Variants in RYR3 observed in about 807,000 individuals in gnomAD.
The protein encoded by RYR3 is ryanodine receptor 3, also known as brain ryanodine receptor-calcium release channel.
In RYR3, 207 loss-of-function variants were observed where a neutral mutation model predicts 584.3. The observed-to-expected ratio is 0.35, with a 90% CI of 0.32 to 0.40. RYR3 has a LOEUF of 0.40. RYR3 is among the 10% of genes least tolerant of loss of function. The pLI, the probability that RYR3 is intolerant of heterozygous loss-of-function variation, is 1.00. For synonymous variants in RYR3, 2,416 were observed against 2,248.5 expected (o/e 1.07, Z -2.11); for missense variants, 5,616 against 6,089.2 (o/e 0.92, Z 2.59).
intron 38 of RYR3, among the ~76,000 whole-genome samples, chr15:33,671,664 G>T (rs2063841863): frequency 6.6e-6 from 1 of 152,238 alleles, no homozygotes; most frequent in Admixed American, 6.5e-5. Flanking sequence ...GCACTCTAAA[G>T]CCACAAAAAC....
intron 43 of RYR3, among the ~76,000 whole-genome samples, chr15:33,714,955 CAT>C (rs1344175381): frequency 2.0e-5 from 3 of 152,222 alleles, no homozygotes; most frequent in African/African-American, 7.2e-5. Context: ...CATAGTGACA[CAT>C]GAGACATTGG....
intron 69 of RYR3, among the ~76,000 whole-genome samples, chr15:33,805,618 C>T (rs1427112399): frequency 3.9e-5 from 6 of 151,972 alleles, no homozygotes; most frequent in Admixed American, 3.9e-4. Context: ...GCTGGGACTA[C>T]AGGTGCCCGC....
At chr15:33,617,858 A>G (rs1302514379) in intron 19 of RYR3, among the ~76,000 whole-genome samples, 2 of 152,238 alleles carry the variant, frequency 1.3e-5, no homozygotes, top group African/African-American at 4.8e-5. Context: ...GACAAAACCC[A>G]CAAATCAATG....
chr15:33,426,632 A>G (rs79023936), intron 1 of RYR3, among the ~76,000 whole-genome samples: 1 of 152,340 alleles, frequency 6.6e-6, no homozygotes, highest in East Asian at 1.9e-4. Flanking sequence ...TCTGGATTTA[A>G]CAAAGATATA....
At chr15:33,312,887 A>C (rs1967550043) in intron 1 of RYR3, among the ~76,000 whole-genome samples, 1 of 152,060 alleles carries the variant, frequency 6.6e-6, no homozygotes, top group Non-Finnish European at 1.5e-5. Flanking sequence ...TTTTTGGTAC[A>C]CCTGTAGCCA....
At chr15:33,557,998 C>T (rs1385490781) in intron 10 of RYR3, among the ~76,000 whole-genome samples, 1 of 152,060 alleles carries the variant, frequency 6.6e-6, no homozygotes, top group Admixed American at 6.6e-5. Context: ...TGAATGCCTG[C>T]AGAACAATAA....
chr15:33,740,127 G>T, intron 51 of RYR3, 132 bp downstream of exon 51: 1 of 749,194 alleles, frequency 1.3e-6, no homozygotes, highest in African/African-American at 1.8e-5. Context: ...TTCTCTTGAT[G>T]TGTCAAGTCC....
intron 1 of RYR3, among the ~76,000 whole-genome samples, chr15:33,407,891 T>TC (rs2043131897): frequency 6.6e-6 from 1 of 152,148 alleles, no homozygotes; most frequent in African/African-American, 2.4e-5. Context: ...ATTACTTGTT[T>TC]CCCCTCTACT....
chr15:33,780,579 T>C (rs534718568), intron 65 of RYR3, among the ~76,000 whole-genome samples: 2 of 152,352 alleles, frequency 1.3e-5, no homozygotes, highest in South Asian at 4.1e-4. Context: ...TCAGTGTTGC[T>C]GATTTTGAAA....
intron 38 of RYR3, among the ~76,000 whole-genome samples, chr15:33,693,825 G>A (rs2065627658): frequency 1.3e-5 from 2 of 152,206 alleles, no homozygotes; most frequent in African/African-American, 4.8e-5. Context: ...AAGAGCAGGT[G>A]GAGAGTAACA....
intron 102 of RYR3, 45 bp from the exon 103 acceptor site, chr15:33,864,093 T>G (rs746860964): frequency 2.9e-5 from 42 of 1,446,552 alleles, no homozygotes; most frequent in Non-Finnish European, 4.0e-5. Flanking sequence ...CGAATGAACT[T>G]GGGTCTTGAC....
chr15:33,730,623 C>T lies in RYR3; in HGVS notation c.7204-851C>T, dbSNP rs181327706. Among the ~76,000 whole-genome samples, 486 of 152,254 alleles carry T rather than the reference C, an allele frequency of 3.2e-3. 1 individual carries two copies. The highest frequency in any genetic ancestry group is 5.3e-3 in the Non-Finnish European group (359 of 68,010). ...AAGTGTGTTACAGATAGAATGACTG[C>T]AGGAATCACAGGAAATGGCAATATT... On this transcript the variant is annotated intron_variant, in intron 47 of 103. Coordinates refer to ENST00000634891, the MANE Select transcript of RYR3 (RefSeq NM_001036.6).
At chr15:33,430,659 G>C (rs1205957522) in intron 1 of RYR3, among the ~76,000 whole-genome samples, 1 of 152,184 alleles carries the variant, frequency 6.6e-6, no homozygotes, top group Non-Finnish European at 1.5e-5. Flanking sequence ...GCGGGGACAT[G>C]TGTTAAGATG....
chr15:33,833,002 CAAAAAAAAAAA>C (rs66477732), intron 86 of RYR3, among the ~76,000 whole-genome samples: 1 of 112,636 alleles, frequency 8.9e-6, no homozygotes, highest in African/African-American at 3.3e-5. Context: ...AACTCTGTCT[CAAAAAAAAAAA>C]AAAAAAAAGA....
At chr15:33,640,669 A>G (rs961971595) in intron 27 of RYR3, among the ~76,000 whole-genome samples, 1 of 152,220 alleles carries the variant, frequency 6.6e-6, no homozygotes, top group Non-Finnish European at 1.5e-5. Context: ...GAGGCCTTAT[A>G]ATACCAAGTG....
chr15:33,434,157 G>C (rs757568244), intron 1 of RYR3, among the ~76,000 whole-genome samples: 1 of 152,150 alleles, frequency 6.6e-6, no homozygotes, highest in African/African-American at 2.4e-5. Flanking sequence ...ATATCATCAA[G>C]GTCTCTTTCC....
chr15:33,323,207 G>T (rs759844387), intron 1 of RYR3, among the ~76,000 whole-genome samples: 1 of 151,992 alleles, frequency 6.6e-6, no homozygotes, highest in African/African-American at 2.4e-5. Flanking sequence ...CGCCTCCCAG[G>T]TTCACGCCAT....
chr15:33,623,400 A>G (rs2060823984), intron 19 of RYR3, among the ~76,000 whole-genome samples: 1 of 151,634 alleles, frequency 6.6e-6, no homozygotes, highest in Non-Finnish European at 1.5e-5. Context: ...TGTGTGGATA[A>G]TCTCCCTCGA....
chr15:33,779,042 C>T (rs553072070), intron 64 of RYR3, among the ~76,000 whole-genome samples: 77 of 152,242 alleles, frequency 5.1e-4, no homozygotes, highest in Non-Finnish European at 1.1e-3. Context: ...GGTGGCTTTT[C>T]GAAGGAATGC....
Sources: gnomAD v4.1 joint callset for allele counts (sites outside exome capture counted in the v4.1 genomes callset) on GRCh38, gnomAD v4.1.1 for gene constraint, MANE v1.5 for transcripts, NCBI Gene and HGNC (gene_info 2026-07-23, HGNC 2026-07-21) for gene names.